SLX4IP: variants seen among roughly 807,000 people sequenced by gnomAD.
SLX4IP encodes protein SLX4IP.
Under a neutral mutation model 32.9 loss-of-function variants are expected in SLX4IP, and 34 were observed. That is an observed-to-expected ratio of 1.03 (90% confidence interval 0.79 to 1.38). SLX4IP has a LOEUF of 1.38. Among genes scored for constraint, SLX4IP ranks in the 40% most tolerant of loss-of-function variants. The pLI is 0.00. For synonymous variants in SLX4IP, 172 were observed against 171.7 expected (o/e 1.00, Z -0.01); for missense variants, 444 against 479.0 (o/e 0.93, Z 0.68).
At position 10,619,713 on chromosome 20, in the gene SLX4IP, G is replaced by A. The variant is rs116830418; in HGVS notation, c.406-1601G>A. ...GAAAATACAGCACTTACAGGGTGTG[G>A]CTGTGAGGGGAGAATCTACTGTACT... On this transcript the variant is annotated intron_variant, in intron 6 of 7. Transcript: ENST00000334534. Among the ~76,000 whole-genome samples, 740 of 152,282 alleles carry A rather than the reference G, an allele frequency of 4.9e-3. 8 individuals are homozygous for A. The highest frequency in any genetic ancestry group is 0.017 in the African/African-American group (699 of 41,550).
At chr20:10,452,676 A>ATATATATATATATATATATATATAT (rs764822188) in intron 1 of SLX4IP, among the ~76,000 whole-genome samples, 3 of 97,970 alleles carry the variant, frequency 3.1e-5, no homozygotes, top group African/African-American at 1.1e-4. Flanking sequence ...AAAAAAAAAA[A>ATATATATATATATATATATATATAT]AAAAATATAT....
At chr20:10,440,211 T>C (rs1445398243) in intron 1 of SLX4IP, among the ~76,000 whole-genome samples, 1 of 152,052 alleles carries the variant, frequency 6.6e-6, no homozygotes, top group East Asian at 1.9e-4. Flanking sequence ...TTCCAACACT[T>C]TGGGAGGCCG....
intron 2 of SLX4IP, among the ~76,000 whole-genome samples, chr20:10,481,971 G>C (rs888652964): frequency 7.2e-5 from 11 of 152,354 alleles, no homozygotes; most frequent in African/African-American, 2.6e-4. Flanking sequence ...GCAAGCAAGA[G>C]AGGGTGCCCA....
chr20:10,607,768 G>GA (rs1031970192), intron 6 of SLX4IP, among the ~76,000 whole-genome samples: 87 of 145,738 alleles, frequency 6.0e-4, no homozygotes, highest in African/African-American at 1.4e-3. Context: ...GAGAAAATAA[G>GA]AAAAAAAAAA....
intron 6 of SLX4IP, chr20:10,614,024 G>T: frequency 7.2e-7 from 1 of 1,382,790 alleles, no homozygotes; most frequent in Middle Eastern, 2.5e-4. Context: ...GAATGGAATA[G>T]ACTTTTTCCA....
At chr20:10,448,771 G>C (rs965405540) in intron 1 of SLX4IP, among the ~76,000 whole-genome samples, 2 of 152,098 alleles carry the variant, frequency 1.3e-5, no homozygotes, top group African/African-American at 4.8e-5. Context: ...TGCTCAGTGT[G>C]ATGATAACTT....
At position 10,472,387 on chromosome 20, in the gene SLX4IP, C is replaced by A. The variant is rs372317799; in HGVS notation, c.27+14156C>A. Among the ~76,000 whole-genome samples the A allele has an allele frequency of 7.9e-5, 12 of 152,140 alleles. No homozygotes were observed. In the East Asian group the frequency reaches 1.5e-3, roughly 20 times the overall value. On this transcript the variant is annotated intron_variant, in intron 2 of 7. Coordinates refer to ENST00000334534, the MANE Select transcript of SLX4IP (RefSeq NM_001009608.3). ...CTGGGACTACAGTCGCCTGCCACCACGCCCGGCTAATTTTTTGTATTTTTA... is the reference window on the plus strand; with the variant it reads ...CTGGGACTACAGTCGCCTGCCACCAAGCCCGGCTAATTTTTTGTATTTTTA...
intron 2 of SLX4IP, among the ~76,000 whole-genome samples, chr20:10,553,833 T>G (rs1295699553): frequency 6.6e-6 from 1 of 152,250 alleles, no homozygotes; most frequent in Non-Finnish European, 1.5e-5. Flanking sequence ...CACACTAAAG[T>G]GCACTCTTTT....
Position 10,598,719 on chromosome 20 carries a change from C to T in SLX4IP, c.283C>T (p.Arg95Cys), listed in dbSNP as rs201343010. Residue 95 changes from arginine (R) to cysteine (C), a missense_variant, in exon 5 of 8, where the codon CGC (arginine) becomes TGC (cysteine). By Grantham distance (180) the Arg-to-Cys change is radical. Coordinates refer to ENST00000334534, the MANE Select transcript of SLX4IP (RefSeq NM_001009608.3). ...ITAYFLKRGI[R>C]LRCIRSTQNA... The stretch of plus-strand genomic sequence containing the variant: ...AGCCTATTTCCTCAAGAGAGGGATA[C>T]GCCTTCGCTGCATCAGGAGCACACA... 2.6e-5 allele frequency: 42 copies of T among 1,614,000 alleles called. No homozygotes were observed. Among genetic ancestry groups the T allele is most frequent in the East Asian group, 1.1e-4 (5 of 44,892 alleles).
intron 2 of SLX4IP, among the ~76,000 whole-genome samples, chr20:10,546,956 G>T (rs1028255874): frequency 6.6e-6 from 1 of 152,218 alleles, no homozygotes; most frequent in African/African-American, 2.4e-5. Flanking sequence ...TTCATGCAGT[G>T]ATGGCTTTGA....
intron 2 of SLX4IP, among the ~76,000 whole-genome samples, chr20:10,531,786 A>T (rs1360020972): frequency 2.0e-5 from 3 of 152,054 alleles, no homozygotes; most frequent in African/African-American, 7.2e-5. Context: ...AGAGAGAGAC[A>T]CCTCCTAGCG....
chr20:10,512,007 C>T (rs1281133692), intron 2 of SLX4IP, among the ~76,000 whole-genome samples: 2 of 152,146 alleles, frequency 1.3e-5, no homozygotes, highest in Non-Finnish European at 1.5e-5. Context: ...GATTGGAAAG[C>T]AATGTCTCTG....
intron 2 of SLX4IP, among the ~76,000 whole-genome samples, chr20:10,484,122 T>G (rs1352631735): frequency 6.6e-6 from 1 of 152,176 alleles, no homozygotes; most frequent in Non-Finnish European, 1.5e-5. Context: ...ATGTCACACT[T>G]ATATTAAGTA....
chr20:10,498,766 T>C (rs1394478554), intron 2 of SLX4IP, among the ~76,000 whole-genome samples: 1 of 151,862 alleles, frequency 6.6e-6, no homozygotes, highest in East Asian at 1.9e-4. Flanking sequence ...TTGTCCCTTA[T>C]TCTCAAGATT....
At chr20:10,576,328 A>G (rs561237408) in intron 4 of SLX4IP, among the ~76,000 whole-genome samples, 1 of 152,206 alleles carries the variant, frequency 6.6e-6, no homozygotes, top group Non-Finnish European at 1.5e-5. Context: ...TTTGTGAAGC[A>G]TTAAGAATCC....
chr20:10,568,550 T>C (rs937737865), intron 4 of SLX4IP, among the ~76,000 whole-genome samples: 2 of 152,242 alleles, frequency 1.3e-5, no homozygotes, highest in Non-Finnish European at 2.9e-5. Context: ...ATCTGTGTTC[T>C]GCTTTACCAA....
At chr20:10,588,264 A>T (rs1234738580) in intron 4 of SLX4IP, among the ~76,000 whole-genome samples, 1 of 152,196 alleles carries the variant, frequency 6.6e-6, no homozygotes, top group Non-Finnish European at 1.5e-5. Flanking sequence ...AAGGTGCTTA[A>T]CGTTATTTAC....
chr20:10,452,664 C>CA lies in SLX4IP; in HGVS notation c.-29-5495dup, dbSNP rs71332999. On this transcript the variant is annotated intron_variant, in intron 1 of 7. Transcript: ENST00000334534. ...CTGGGCAACAAGAGCGAAACTGTCT[C>CA]AAAAAAAAAAAAAAAAATATATATA... 6.0e-3 allele frequency among the ~76,000 whole-genome samples: 706 copies of CA among 117,922 alleles called. 13 individuals carry two copies. The highest frequency in any genetic ancestry group is 0.028 in the East Asian group (126 of 4,474). The allele number at this position is 117,922 out of a possible 152,430, so 77.4% of individuals were successfully genotyped here.
chr20:10,613,329 A>C, intron 6 of SLX4IP: 1 of 882,632 alleles, frequency 1.1e-6, no homozygotes, highest in Non-Finnish European at 1.8e-6. Context: ...GGCTGGAAAG[A>C]CACCTTTTCT....
Sources: allele counts gnomAD v4.1 joint callset (sites outside exome capture counted in the v4.1 genomes callset), GRCh38; gene constraint gnomAD v4.1.1; transcripts MANE v1.5; gene names NCBI Gene and HGNC (gene_info 2026-07-23, HGNC 2026-07-21).